The following TMEM233 variants were observed in gnomAD, a reference collection of about 807,000 sequenced individuals.
TMEM233 encodes the protein dispanin subfamily B member 2.
A neutral mutation model predicts 11.2 loss-of-function variants in TMEM233; 6 were observed. That is an observed-to-expected ratio of 0.54 (90% CI 0.29 to 1.06). The LOEUF is 1.06. Among genes scored for constraint, TMEM233 ranks in the 50% least tolerant of loss-of-function variants. TMEM233 has a pLI of 0.08. For synonymous variants in TMEM233, 59 were observed against 55.8 expected (o/e 1.06, Z -0.26); for missense variants, 127 against 144.7 (o/e 0.88, Z 0.63).
intron 1 of TMEM233, among the ~76,000 whole-genome samples, chr12:119,608,719 G>T (rs1002536039): frequency 4.6e-5 from 7 of 152,236 alleles, no homozygotes; most frequent in Admixed American, 2.0e-4. Context: ...GCAACAGGGT[G>T]CTTGGTCCCC....
At chr12:119,606,162 G>T (rs1027271551) in intron 1 of TMEM233, among the ~76,000 whole-genome samples, 2 of 152,198 alleles carry the variant, frequency 1.3e-5, no homozygotes, top group African/African-American at 4.8e-5. Context: ...TTTGATAGGA[G>T]CCTGCTATCT....
chr12:119,615,178 A>AAAAAAAAAAAAAAAAAAC (rs1954498510), intron 1 of TMEM233, among the ~76,000 whole-genome samples: 1 of 4,632 alleles, frequency 2.2e-4, no homozygotes, highest in Non-Finnish European at 7.6e-4. Context: ...TCTGCTAAAA[A>AAAAAAAAAAAAAAAAAAC]AAAAAAAAAA....
At chr12:119,599,531 C>T (rs535893770) in intron 1 of TMEM233, among the ~76,000 whole-genome samples, 6 of 152,246 alleles carry the variant, frequency 3.9e-5, no homozygotes, top group South Asian at 2.1e-4. Flanking sequence ...AAATCTTAGA[C>T]GATGGAAAAT....
intron 2 of TMEM233, among the ~76,000 whole-genome samples, chr12:119,639,960 C>T (rs1955048965): frequency 6.6e-6 from 1 of 152,210 alleles, no homozygotes; most frequent in African/African-American, 2.4e-5. Context: ...AGCACGATCA[C>T]ATTGTGTAAA....
downstream of TMEM233, among the ~76,000 whole-genome samples, chr12:119,645,320 C>CAAAAAAAAAAAAAAA (rs3078450): frequency 5.3e-5 from 4 of 74,788 alleles, no homozygotes; most frequent in Non-Finnish European, 7.6e-5. Flanking sequence ...CACCAATTAC[C>CAAAAAAAAAAAAAAA]AAAAAAAAAA....
chr12:119,604,671 T>G (rs1954231521), intron 1 of TMEM233, among the ~76,000 whole-genome samples: 1 of 152,180 alleles, frequency 6.6e-6, no homozygotes, highest in Non-Finnish European at 1.5e-5. Context: ...GGTCTTACTC[T>G]GTCACCCAGA....
chr12:119,609,790 G>C (rs1954357508), intron 1 of TMEM233, among the ~76,000 whole-genome samples: 1 of 152,236 alleles, frequency 6.6e-6, no homozygotes, highest in African/African-American at 2.4e-5. Flanking sequence ...GAAATGCCTG[G>C]ATGTCCAGGC....
At chr12:119,646,316 C>T (rs975217587), downstream of TMEM233, among the ~76,000 whole-genome samples, 2 of 152,164 alleles carry the variant, frequency 1.3e-5, no homozygotes, top group African/African-American at 4.8e-5. Flanking sequence ...ACCTCGGCTT[C>T]CCAAAGTGCC....
At chr12:119,598,797 T>C (rs917254688) in intron 1 of TMEM233, among the ~76,000 whole-genome samples, 1 of 152,252 alleles carries the variant, frequency 6.6e-6, no homozygotes, top group African/African-American at 2.4e-5. Flanking sequence ...AAGCTTGGTC[T>C]TTCCACCTTG....
chr12:119,633,027 T>C (rs377455290), intron 2 of TMEM233, among the ~76,000 whole-genome samples: 2 of 152,082 alleles, frequency 1.3e-5, no homozygotes, highest in Non-Finnish European at 2.9e-5. Context: ...CTGCTTGTGA[T>C]TGAAGCTTTG....
chr12:119,640,562 C>T, intron 2 of TMEM233, 137 bp from the exon 3 acceptor site: 1 of 887,868 alleles, frequency 1.1e-6, no homozygotes, highest in Non-Finnish European at 1.8e-6. Flanking sequence ...CAAAAGTGTG[C>T]ACGCAGGCTG....
intron 1 of TMEM233, among the ~76,000 whole-genome samples, chr12:119,604,083 C>T (rs1954218282): frequency 6.6e-6 from 1 of 152,168 alleles, no homozygotes; most frequent in East Asian, 1.9e-4. Flanking sequence ...ATTCTCAGCT[C>T]GTTAGTTCAG....
At chr12:119,624,327 T>C (rs1954707098) in intron 1 of TMEM233, among the ~76,000 whole-genome samples, 1 of 151,254 alleles carries the variant, frequency 6.6e-6, no homozygotes. Context: ...GCCACTCCGC[T>C]CCAACCTGGG....
intron 1 of TMEM233, among the ~76,000 whole-genome samples, chr12:119,613,993 C>T (rs946765529): frequency 1.3e-5 from 2 of 151,834 alleles, no homozygotes; most frequent in Non-Finnish European, 2.9e-5. Context: ...AGGGAAAAGG[C>T]TCCAAACGAG....
intron 1 of TMEM233, among the ~76,000 whole-genome samples, chr12:119,620,370 T>A (rs772407115): frequency 6.6e-6 from 1 of 152,254 alleles, no homozygotes; most frequent in Non-Finnish European, 1.5e-5. Context: ...TCTCTCCAAA[T>A]GTAAATCCAT....
At chr12:119,621,034 C>T (rs1174863184) in intron 1 of TMEM233, among the ~76,000 whole-genome samples, 1 of 146,122 alleles carries the variant, frequency 6.8e-6, no homozygotes, top group African/African-American at 2.5e-5. Flanking sequence ...GTACATGCCA[C>T]CATACCTGGC....
chr12:119,649,282 G>C, the TMEM233 span, among the ~76,000 whole-genome samples: 1 of 151,974 alleles, frequency 6.6e-6, no homozygotes, highest in South Asian at 2.1e-4. Flanking sequence ...TGGGCCACAA[G>C]AGCAAAACTC....
intron 2 of TMEM233, among the ~76,000 whole-genome samples, chr12:119,634,754 T>A (rs1409509689): frequency 1.3e-5 from 2 of 152,222 alleles, no homozygotes; most frequent in Non-Finnish European, 2.9e-5. Context: ...CAGATTGAAA[T>A]CTCAAATGGT....
chr12:119,643,198 G>C (rs1013190089), downstream of TMEM233: 1 of 152,238 alleles, frequency 6.6e-6, no homozygotes, highest in Non-Finnish European at 1.5e-5. Context: ...CAGAGGTGGC[G>C]CTAGAGAGGC....
Sources: allele counts gnomAD v4.1 joint callset (sites outside exome capture counted in the v4.1 genomes callset), GRCh38; gene constraint gnomAD v4.1.1; transcripts MANE v1.5; gene names NCBI Gene and HGNC (gene_info 2026-07-23, HGNC 2026-07-21).